The following SGO2 variants were observed in gnomAD, a reference collection of about 807,000 sequenced individuals.
SGO2 encodes the protein shugoshin 2.
SGO2 carries 68 observed loss-of-function variants against 99.5 expected under a neutral mutation model. The observed-to-expected ratio is 0.68, with a 90% CI of 0.56 to 0.84. The LOEUF is 0.84. SGO2 is among the 40% of genes least tolerant of loss of function. The pLI, the probability that SGO2 is intolerant of heterozygous loss-of-function variation, is 0.00. For synonymous variants in SGO2, 457 were observed against 487.1 expected (o/e 0.94, Z 0.81); for missense variants, 1,350 against 1,436.7 (o/e 0.94, Z 0.97).
chr2:200,576,087 T>C (rs2033647805), intron 8 of SGO2: 2 of 403,024 alleles, frequency 5.0e-6, no homozygotes, highest in East Asian at 8.2e-5. Context: ...TTAGCAAAAC[T>C]AGACAACAAT....
Position 200,569,897 on chromosome 2 carries a change from G to A in SGO2, c.703+5G>A. ...TAGTTGATGTACCTCCCAGAGGTGA[G>A]ATTGTTTTAAAAATTCATTTTGAGT... is the stretch of plus-strand genomic sequence containing the variant. On this transcript the variant is annotated splice_donor_5th_base_variant and intron_variant, in intron 6 of 8. Transcript: ENST00000357799. The A allele has an allele frequency of 6.5e-7, 1 of 1,535,486 alleles. No individual in the cohort carries two copies. Among genetic ancestry groups the A allele is most frequent in the Non-Finnish European group, 9.0e-7 (1 of 1,115,282 alleles).
chr2:200,567,955 G>C (rs2033254362), intron 5 of SGO2, among the ~76,000 whole-genome samples: 1 of 152,162 alleles, frequency 6.6e-6, no homozygotes, highest in Non-Finnish European at 1.5e-5. Context: ...TACATTTTCA[G>C]TTCTCTTGAA....
At chr2:200,567,370 T>A (rs1332569443) in intron 5 of SGO2, among the ~76,000 whole-genome samples, 1 of 152,246 alleles carries the variant, frequency 6.6e-6, no homozygotes, top group East Asian at 1.9e-4. Context: ...TTTTTCTCAA[T>A]TTTATGTTTT....
At chr2:200,543,933 A>G (rs1320293967) in intron 5 of SGO2, among the ~76,000 whole-genome samples, 2 of 152,168 alleles carry the variant, frequency 1.3e-5, no homozygotes, top group South Asian at 4.1e-4. Flanking sequence ...CTGTTGTGTA[A>G]TGCATACCCA....
In SGO2 at chr2:200,571,911, G is replaced by A. The variant is rs763663683; in HGVS notation, c.1565G>A (p.Gly522Asp). The A allele has an allele frequency of 4.3e-6, 7 of 1,613,354 alleles. No individual in the cohort carries two copies. The South Asian group carries it at 6.6e-5, about 15-fold the overall frequency. Reference protein sequence around the residue: ...KFHQESKFDKGQNSLTCNKSK... With the variant: ...KFHQESKFDKDQNSLTCNKSK... ...CACCAGGAGAGTAAATTTGATAAGGGTCAGAATTCCCTAACTTGTAATAAA... is the reference window on the plus strand; with the variant it reads ...CACCAGGAGAGTAAATTTGATAAGGATCAGAATTCCCTAACTTGTAATAAA... Residue 522 changes from glycine (G) to aspartate (D), a missense_variant, in exon 7 of 9, where the codon GGT becomes GAT. Gly to Asp is a moderately conservative substitution (Grantham distance 94). Coordinates refer to ENST00000357799, the MANE Select transcript of SGO2 (RefSeq NM_152524.6).
chr2:200,533,434 G>C (rs2106303893), intron 2 of SGO2: 1 of 209,032 alleles, frequency 4.8e-6, no homozygotes, highest in African/African-American at 2.4e-5. Flanking sequence ...GTTCTGGCAT[G>C]TTGTGGCAAC....
At chr2:200,566,774 C>G (rs919890768) in intron 5 of SGO2, among the ~76,000 whole-genome samples, 1 of 152,228 alleles carries the variant, frequency 6.6e-6, no homozygotes, top group African/African-American at 2.4e-5. Context: ...CAATGGCGGG[C>G]ACCCGTCCCC....
intron 8 of SGO2, among the ~76,000 whole-genome samples, chr2:200,581,665 A>G (rs2033847186): frequency 6.6e-6 from 1 of 152,134 alleles, no homozygotes. Context: ...TACCTAGTGT[A>G]TACCATTTCC....
At chr2:200,548,839 G>A (rs1390756710) in intron 5 of SGO2, among the ~76,000 whole-genome samples, 1 of 152,130 alleles carries the variant, frequency 6.6e-6, no homozygotes, top group Non-Finnish European at 1.5e-5. Context: ...CACAAAATGT[G>A]GAAGAAATGA....
At chr2:200,562,414 A>G (rs1057210996) in intron 5 of SGO2, among the ~76,000 whole-genome samples, 1 of 152,118 alleles carries the variant, frequency 6.6e-6, no homozygotes, top group Non-Finnish European at 1.5e-5. Flanking sequence ...CCATTGGTCT[A>G]TATCTCTGTT....
rs180831335 is a variant in SGO2 at position 200,555,484 on chromosome 2, C to T, written c.473+12820C>T. On this transcript the variant is annotated intron_variant, in intron 5 of 8. Coordinates refer to ENST00000357799, the MANE Select transcript of SGO2 (RefSeq NM_152524.6). ...AGATCCCAAAAAATGAGAAATGCTA[C>T]GGAACAAGACAGTACAATGATTTTA... Among the ~76,000 whole-genome samples the T allele has an allele frequency of 5.9e-5, 9 of 152,224 alleles. No homozygotes were observed. The East Asian group carries it at 1.2e-3, about 20-fold the overall frequency.
At position 200,571,426 on chromosome 2, in the gene SGO2, G is replaced by A. The variant is rs371969128; in HGVS notation, c.1080G>A (p.Val360=). Residue 360 remains valine (V), a synonymous_variant, in exon 7 of 9, where the codon GTG becomes GTA. Coordinates refer to ENST00000357799, the MANE Select transcript of SGO2 (RefSeq NM_152524.6). ...DNDDFQLQKT[V]YDADMDLTAS... ...ATGACTTTCAATTGCAGAAAACTGTGTATGATGCTGACATGGATTTAACTG... is the reference window on the plus strand; with the variant it reads ...ATGACTTTCAATTGCAGAAAACTGTATATGATGCTGACATGGATTTAACTG... 1.1e-3 allele frequency: 1,817 copies of A among 1,610,772 alleles called. 1 individual carries two copies. The highest frequency in any genetic ancestry group is 1.3e-3 in the Non-Finnish European group (1,489 of 1,177,962).
At chr2:200,537,206 G>A (rs1336741451) in intron 4 of SGO2, among the ~76,000 whole-genome samples, 1 of 152,034 alleles carries the variant, frequency 6.6e-6, no homozygotes, top group Non-Finnish European at 1.5e-5. Flanking sequence ...TTGTGTTAGT[G>A]TAGAGTGCCT....
chr2:200,576,315 C>T (rs985470070), intron 8 of SGO2, among the ~76,000 whole-genome samples: 1 of 151,506 alleles, frequency 6.6e-6, no homozygotes. Flanking sequence ...GTGGCTCACA[C>T]CTGTAATCCC....
intron 5 of SGO2, among the ~76,000 whole-genome samples, chr2:200,552,141 C>A (rs2032515343): frequency 6.6e-6 from 1 of 152,088 alleles, no homozygotes; most frequent in Non-Finnish European, 1.5e-5. Context: ...AATATATATT[C>A]TCTCCATGTT....
intron 8 of SGO2, chr2:200,576,029 T>G: frequency 2.7e-6 from 1 of 369,628 alleles, no homozygotes; most frequent in Non-Finnish European, 5.1e-6. Flanking sequence ...ATTTAATTCT[T>G]AAAACACTTC....
intron 5 of SGO2, 103 bp from the exon 6 acceptor site, chr2:200,569,560 A>C: frequency 1.2e-6 from 1 of 826,684 alleles, no homozygotes; most frequent in Non-Finnish European, 1.9e-6. Flanking sequence ...TACCAGGTGG[A>C]TTTGTGGTTC....
intron 8 of SGO2, among the ~76,000 whole-genome samples, chr2:200,577,039 T>G (rs1275159690): frequency 1.3e-5 from 2 of 152,134 alleles, no homozygotes; most frequent in South Asian, 2.1e-4. Context: ...AGTATTGTTT[T>G]TTTTTTTTTC....
At chr2:200,529,793 G>A (rs2031283413) in intron 1 of SGO2, among the ~76,000 whole-genome samples, 1 of 152,204 alleles carries the variant, frequency 6.6e-6, no homozygotes, top group Admixed American at 6.5e-5. Context: ...CTCCCAAAGT[G>A]CTGGGATTGC....
Sources: allele counts gnomAD v4.1 joint callset (sites outside exome capture counted in the v4.1 genomes callset), GRCh38; gene constraint gnomAD v4.1.1; transcripts MANE v1.5; gene names NCBI Gene and HGNC (gene_info 2026-07-23, HGNC 2026-07-21).